SLC10A7: variants seen among roughly 807,000 people sequenced by gnomAD.
The protein encoded by SLC10A7 is sodium/bile acid cotransporter 7.
A neutral mutation model predicts 43.2 loss-of-function variants in SLC10A7; 29 were observed. The ratio of observed to expected loss-of-function variants is 0.67; its 90% confidence interval spans 0.50 to 0.92. SLC10A7 has a LOEUF of 0.92. SLC10A7 is among the 40% of genes least tolerant of loss of function. SLC10A7 has a pLI of 0.00. For missense variants in SLC10A7, 295 were observed against 403.2 expected (o/e 0.73, Z 2.30); for synonymous variants, 152 against 144.8 (o/e 1.05, Z -0.35).
rs150056161 is a variant in SLC10A7 at position 146,370,380 on chromosome 4, C to T, written c.436-44384G>A. 1.3e-4 allele frequency among the ~76,000 whole-genome samples: 20 copies of T among 152,306 alleles called. No individual in the cohort carries two copies. The East Asian group carries it at 3.7e-3, about 28-fold the overall frequency. ...CTCCTTCAAAGTCCTTGGATAGAAA[C>T]CAGTCCTTTTATCGCTCCATTTGTA... is the stretch of plus-strand genomic sequence containing the variant. On this transcript the variant is annotated intron_variant, in intron 5 of 11. Transcript: ENST00000335472.
At chr4:146,273,987 T>C (rs1458428425) in intron 10 of SLC10A7, among the ~76,000 whole-genome samples, 1 of 152,110 alleles carries the variant, frequency 6.6e-6, no homozygotes, top group Non-Finnish European at 1.5e-5. Context: ...AATTGTGTTG[T>C]AAGAGTTTTA....
intron 8 of SLC10A7, among the ~76,000 whole-genome samples, chr4:146,293,412 T>C (rs998193642): frequency 6.6e-6 from 1 of 152,224 alleles, no homozygotes; most frequent in African/African-American, 2.4e-5. Context: ...CTTTTTGAGC[T>C]TTAGCAGTTT....
At chr4:146,283,906 T>G (rs1729710191) in intron 9 of SLC10A7, among the ~76,000 whole-genome samples, 1 of 152,106 alleles carries the variant, frequency 6.6e-6, no homozygotes, top group African/African-American at 2.4e-5. Flanking sequence ...AGAGCCAGGA[T>G]TCAAACAGAG....
At chr4:146,493,500 AGAGAGAGAGG>A (rs1735634348) in intron 4 of SLC10A7, among the ~76,000 whole-genome samples, 1 of 150,892 alleles carries the variant, frequency 6.6e-6, no homozygotes, top group South Asian at 2.1e-4. Flanking sequence ...AAAAAAAAAA[AGAGAGAGAGG>A]GAGAGAGAGA....
chr4:146,476,910 T>C (rs955130437), intron 4 of SLC10A7, among the ~76,000 whole-genome samples: 1 of 150,608 alleles, frequency 6.6e-6, no homozygotes, highest in Non-Finnish European at 1.5e-5. Flanking sequence ...AAAACACAGA[T>C]CACCCTTTGT....
chr4:146,314,863 T>A (rs540698369), intron 6 of SLC10A7, among the ~76,000 whole-genome samples: 4 of 152,276 alleles, frequency 2.6e-5, no homozygotes, highest in African/African-American at 9.6e-5. Context: ...ATTGATGGTC[T>A]GCAGAATTTG....
chr4:146,332,846 A>G (rs527939278), intron 5 of SLC10A7, among the ~76,000 whole-genome samples: 27 of 152,292 alleles, frequency 1.8e-4, no homozygotes, highest in Middle Eastern at 3.4e-3. Flanking sequence ...GTCTCCTAGA[A>G]CATAACCACA....
chr4:146,432,457 A>C (rs780119114), intron 5 of SLC10A7, among the ~76,000 whole-genome samples: 1 of 152,206 alleles, frequency 6.6e-6, no homozygotes, highest in Non-Finnish European at 1.5e-5. Flanking sequence ...ACATAGATGA[A>C]TCACAAAAGT....
chr4:146,513,957 A>G (rs945412275), intron 2 of SLC10A7: 3 of 152,210 alleles, frequency 2.0e-5, no homozygotes, highest in Non-Finnish European at 4.4e-5. Flanking sequence ...ATTAAAATAA[A>G]CTTAAGAAGA....
intron 5 of SLC10A7, among the ~76,000 whole-genome samples, chr4:146,411,070 G>C (rs567740859): frequency 6.6e-6 from 1 of 152,226 alleles, no homozygotes; most frequent in African/African-American, 2.4e-5. Flanking sequence ...TCCTGACTCA[G>C]ATGATTCACC....
chr4:146,352,051 T>C (rs1735158126), intron 5 of SLC10A7, among the ~76,000 whole-genome samples: 1 of 110,170 alleles, frequency 9.1e-6, no homozygotes. Context: ...ACTTTAAATA[T>C]AAATGGACTA....
At chr4:146,304,946 C>T (rs994769233) in intron 7 of SLC10A7, among the ~76,000 whole-genome samples, 1 of 151,790 alleles carries the variant, frequency 6.6e-6, no homozygotes, top group Non-Finnish European at 1.5e-5. Flanking sequence ...GTGTTGGGTG[C>T]ATATATATTT....
intron 7 of SLC10A7, among the ~76,000 whole-genome samples, chr4:146,303,961 T>G (rs1028021739): frequency 1.3e-5 from 2 of 151,720 alleles, no homozygotes; most frequent in African/African-American, 4.8e-5. Context: ...CAGAAATAAG[T>G]CTAGAATCTA....
At chr4:146,441,040 A>G (rs1202092677) in intron 5 of SLC10A7, among the ~76,000 whole-genome samples, 1 of 152,156 alleles carries the variant, frequency 6.6e-6, no homozygotes, top group Non-Finnish European at 1.5e-5. Context: ...CTTTTTCTAC[A>G]TGTCATCTCC....
intron 5 of SLC10A7, among the ~76,000 whole-genome samples, chr4:146,433,545 T>C (rs1729956732): frequency 6.6e-6 from 1 of 151,968 alleles, no homozygotes; most frequent in Admixed American, 6.6e-5. Flanking sequence ...CAGAGGGAAA[T>C]AAATATTTCT....
chr4:146,270,012 C>A lies in SLC10A7; in HGVS notation c.848-11175G>T, dbSNP rs531415828. Among the ~76,000 whole-genome samples, 66 of 152,238 alleles carry A rather than the reference C, an allele frequency of 4.3e-4. 2 individuals carry two copies. In the South Asian group the frequency reaches 0.013, roughly 31 times the overall value. ...TTCATGGTACTGTGTTTATGTTGAACAAAAGCCTCAGAAGAGATTTCTTCT... is the reference window on the plus strand; with the variant it reads ...TTCATGGTACTGTGTTTATGTTGAAAAAAAGCCTCAGAAGAGATTTCTTCT... On this transcript the variant is annotated intron_variant, in intron 10 of 11. Coordinates refer to ENST00000335472, the MANE Select transcript of SLC10A7 (RefSeq NM_001029998.6).
chr4:146,312,138 T>C (rs1732024690), intron 6 of SLC10A7, among the ~76,000 whole-genome samples: 1 of 152,166 alleles, frequency 6.6e-6, no homozygotes, highest in South Asian at 2.1e-4. Flanking sequence ...GAGGAAAGTA[T>C]CTTTTTAATA....
chr4:146,425,094 A>T (rs147548001), intron 5 of SLC10A7, among the ~76,000 whole-genome samples: 135 of 152,310 alleles, frequency 8.9e-4, no homozygotes, highest in African/African-American at 3.1e-3. Flanking sequence ...TAAGTGCTGG[A>T]TACTTAACTA....
intron 4 of SLC10A7, among the ~76,000 whole-genome samples, chr4:146,453,615 T>C (rs1273109354): frequency 6.6e-6 from 1 of 152,010 alleles, no homozygotes; most frequent in Non-Finnish European, 1.5e-5. Context: ...ATGGTATTGA[T>C]GGAATAACCT....
Sources: allele counts gnomAD v4.1 joint callset (sites outside exome capture counted in the v4.1 genomes callset), GRCh38; gene constraint gnomAD v4.1.1; transcripts MANE v1.5; gene names NCBI Gene and HGNC (gene_info 2026-07-23, HGNC 2026-07-21).